Variants in SOAT1 observed in about 807,000 individuals in gnomAD.
The protein encoded by SOAT1 is acyl-coenzyme A:cholesterol acyltransferase 1.
A neutral mutation model predicts 69.5 loss-of-function variants in SOAT1; 55 were observed. That is an observed-to-expected ratio of 0.79 (90% confidence interval 0.64 to 0.99). The LOEUF is 0.99. Ranked by LOEUF, SOAT1 falls within the 50% of genes least tolerant of loss-of-function variation. The pLI is 0.00. For synonymous variants in SOAT1, 231 were observed against 224.7 expected, an observed-to-expected ratio of 1.03 and a Z score of -0.25; for missense variants, 580 against 669.3, an observed-to-expected ratio of 0.87 and a Z score of 1.47.
intron 3 of SOAT1, among the ~76,000 whole-genome samples, chr1:179,331,010 A>G (rs1665951400): frequency 6.6e-6 from 1 of 152,224 alleles, no homozygotes; most frequent in Non-Finnish European, 1.5e-5. Context: ...GGGGGTAGGC[A>G]CTGATAGGGT....
intron 2 of SOAT1, among the ~76,000 whole-genome samples, chr1:179,313,247 A>T (rs923630405): frequency 6.6e-6 from 1 of 152,196 alleles, no homozygotes; most frequent in Non-Finnish European, 1.5e-5. Context: ...ACATAGTTGC[A>T]GACTATACTG....
intron 1 of SOAT1, among the ~76,000 whole-genome samples, chr1:179,296,140 T>G (rs879748678): frequency 6.6e-6 from 1 of 152,066 alleles, no homozygotes; most frequent in Admixed American, 6.6e-5. Flanking sequence ...AATTTTTGTA[T>G]TTTTAGTAGA....
At position 179,342,861 on chromosome 1, in the gene SOAT1, G is replaced by A; in HGVS notation, c.860-1G>A. ...CTCTAACTATAGTTTTCCTTTTCTA[G>A]GCACTGTTCCAATACCTACAGTCAA... On this transcript the variant is annotated splice_acceptor_variant, in intron 8 of 15. Transcript: ENST00000367619. LOFTEE classifies it high-confidence loss of function. 1 of 1,610,766 alleles carries A rather than the reference G, an allele frequency of 6.2e-7. No homozygotes were observed. Among genetic ancestry groups the A allele is most frequent in the South Asian group, 1.1e-5 (1 of 90,868 alleles).
intron 2 of SOAT1, among the ~76,000 whole-genome samples, chr1:179,320,600 T>C (rs1352187222): frequency 6.6e-6 from 1 of 152,216 alleles, no homozygotes; most frequent in Non-Finnish European, 1.5e-5. Context: ...ATATTAACAA[T>C]ATTAAATCTT....
intron 3 of SOAT1, among the ~76,000 whole-genome samples, chr1:179,332,958 A>G (rs1308728506): frequency 2.0e-5 from 3 of 152,212 alleles, no homozygotes; most frequent in Non-Finnish European, 4.4e-5. Flanking sequence ...CTTGTGCCCC[A>G]GTGGCAGCAC....
chr1:179,299,137 G>A (rs896817470), intron 1 of SOAT1, among the ~76,000 whole-genome samples: 1 of 152,162 alleles, frequency 6.6e-6, no homozygotes, highest in African/African-American at 2.4e-5. Flanking sequence ...CCGCAGAGAG[G>A]ATGAGATGAG....
rs775663715 is a variant in SOAT1, at chr1:179,341,847, T to G, written c.781-267T>G. Reference sequence around the variant, plus strand: ...CGCGCCCGGCCACATTGAATTATTTTTGATGCATCAAGATTTTGTTTCTGA... The same window carrying G: ...CGCGCCCGGCCACATTGAATTATTTGTGATGCATCAAGATTTTGTTTCTGA... On this transcript the variant is annotated intron_variant, in intron 7 of 15. Transcript: ENST00000367619. Among the ~76,000 whole-genome samples, 6 of 152,234 alleles carry G rather than the reference T, an allele frequency of 3.9e-5. No individual in the cohort carries two copies. The South Asian group carries it at 1.2e-3, about 32-fold the overall frequency.
chr1:179,304,471 T>G (rs988843227), intron 2 of SOAT1, among the ~76,000 whole-genome samples: 6 of 151,936 alleles, frequency 3.9e-5, no homozygotes, highest in Non-Finnish European at 7.4e-5. Flanking sequence ...AGAGATGGGA[T>G]TTTACTATGT....
At chr1:179,322,559 T>A (rs1665638320) in intron 2 of SOAT1, among the ~76,000 whole-genome samples, 1 of 152,174 alleles carries the variant, frequency 6.6e-6, no homozygotes, top group South Asian at 2.1e-4. Flanking sequence ...CTGTTGGAAT[T>A]CTGTACGGCC....
At chr1:179,326,511 T>A (rs960544022) in intron 3 of SOAT1, among the ~76,000 whole-genome samples, 2 of 152,116 alleles carry the variant, frequency 1.3e-5, no homozygotes, top group Admixed American at 1.3e-4. Flanking sequence ...CTAATGAGAT[T>A]GAATATTTTA....
intron 12 of SOAT1, among the ~76,000 whole-genome samples, chr1:179,348,152 T>C (rs1666597792): frequency 6.6e-6 from 1 of 152,226 alleles, no homozygotes; most frequent in Non-Finnish European, 1.5e-5. Flanking sequence ...TCAGATAGTA[T>C]CCTTATGCTT....
rs921662899 is a variant in SOAT1 at position 179,339,462 on chromosome 1, C to T, written c.414C>T (p.Ile138=). The change falls in exon 6 of 16, where the codon ATC becomes ATT. Residue 138 remains isoleucine (I), a synonymous_variant. Transcript: ENST00000367619. The part of the protein sequence containing the change: ...LLDELLEVDH[I]RTIYHMFIAL... The stretch of plus-strand genomic sequence containing the variant: ...GTGAACTGCTTGAAGTGGACCACAT[C>T]AGAACAATATATCACATGTTTATTG... 6 of 1,611,568 alleles carry T rather than the reference C, an allele frequency of 3.7e-6. No homozygotes were observed. In the Middle Eastern group the frequency reaches 6.6e-4, roughly 177 times the overall value.
intron 1 of SOAT1, among the ~76,000 whole-genome samples, chr1:179,296,431 G>GA (rs1323291533): frequency 6.6e-6 from 1 of 152,158 alleles, no homozygotes; most frequent in Admixed American, 6.5e-5. Flanking sequence ...TTTCCTATGG[G>GA]AAAAAGTTTT....
intron 2 of SOAT1, among the ~76,000 whole-genome samples, chr1:179,321,537 T>G (rs997178899): frequency 3.9e-5 from 6 of 152,204 alleles, no homozygotes; most frequent in Non-Finnish European, 7.3e-5. Context: ...TCCTCCATTA[T>G]AGTCTGCAGA....
intron 10 of SOAT1, among the ~76,000 whole-genome samples, chr1:179,343,911 A>G (rs1414321688): frequency 6.6e-6 from 1 of 152,214 alleles, no homozygotes; most frequent in African/African-American, 2.4e-5. Flanking sequence ...TCGCGAGGTC[A>G]GGAGTTCAAG....
chr1:179,343,251 G>A (rs10798662), intron 9 of SOAT1, among the ~76,000 whole-genome samples: 13,539 of 150,730 alleles, frequency 0.09, 849 homozygotes, highest in East Asian at 0.36. Flanking sequence ...TTTCTGAGAT[G>A]GGAGTCTTGC....
chr1:179,319,891 C>G (rs1344356386), intron 2 of SOAT1, among the ~76,000 whole-genome samples: 1 of 152,084 alleles, frequency 6.6e-6, no homozygotes, highest in Non-Finnish European at 1.5e-5. Flanking sequence ...GCTATGGTTA[C>G]AGATGTAAGC....
intron 2 of SOAT1, among the ~76,000 whole-genome samples, chr1:179,307,893 G>A (rs1304710051): frequency 6.6e-6 from 1 of 151,664 alleles, no homozygotes; most frequent in Non-Finnish European, 1.5e-5. Flanking sequence ...CCAGGTTCAA[G>A]CGATTCTCCT....
rs1666948338 is a variant in SOAT1, at chr1:179,357,588, CTGT to C, written c.*3950_*3952del. ...TGTCAGGTAATACAGTGTTGGCCCT[CTGT>C]TGAAATAAAATGTTACATATCGCTG... On this transcript the variant is annotated 3_prime_UTR_variant, in exon 16 of 16. Transcript: ENST00000367619. 1.3e-5 allele frequency: 2 copies of C among 152,132 alleles called. No individual in the cohort carries two copies. The highest frequency in any genetic ancestry group is 4.8e-5 in the African/African-American group (2 of 41,420). The allele number at this position is 152,132 out of a possible 1,614,324, so 9.4% of individuals were successfully genotyped here. A position where few individuals can be genotyped will look rare whatever the true frequency, so the allele number is the denominator to read the frequency against.
Sources: gnomAD v4.1 joint callset for allele counts (sites outside exome capture counted in the v4.1 genomes callset) on GRCh38, gnomAD v4.1.1 for gene constraint, MANE v1.5 for transcripts, NCBI Gene and HGNC (gene_info 2026-07-23, HGNC 2026-07-21) for gene names.